The following PCNX1 variants were observed in gnomAD, a reference collection of about 807,000 sequenced individuals.
PCNX1 encodes the protein pecanex-like protein 1.
In PCNX1, 78 loss-of-function variants were observed where a neutral mutation model predicts 242.2. The observed-to-expected ratio is 0.32, with a 90% CI of 0.27 to 0.39. The LOEUF (loss-of-function observed/expected upper bound fraction) is 0.39. Among genes scored for constraint, PCNX1 ranks in the 10% least tolerant of loss-of-function variants. PCNX1 has a pLI of 1.00. For synonymous variants in PCNX1, 1,024 were observed against 1,032.9 expected (o/e 0.99, Z 0.17); for missense variants, 2,581 against 2,856.5 (o/e 0.90, Z 2.20).
At chr14:70,922,036 CTTA>C (rs1272605009) in intron 1 of PCNX1, among the ~76,000 whole-genome samples, 2 of 152,122 alleles carry the variant, frequency 1.3e-5, no homozygotes, top group Non-Finnish European at 2.9e-5. Flanking sequence ...CTGAAAACAT[CTTA>C]TTATTTCCTA....
intron 2 of PCNX1, among the ~76,000 whole-genome samples, chr14:70,959,144 G>A (rs1007844731): frequency 2.6e-5 from 4 of 151,336 alleles, no homozygotes; most frequent in East Asian, 1.9e-4. Flanking sequence ...TCTTCCTGAG[G>A]AACCTTATGT....
At chr14:70,998,064 TACAC>T (rs1016237716) in intron 8 of PCNX1, among the ~76,000 whole-genome samples, 5 of 151,916 alleles carry the variant, frequency 3.3e-5, no homozygotes, top group African/African-American at 4.8e-5. Context: ...AAAGCATACA[TACAC>T]ACATACATGT....
intron 8 of PCNX1, among the ~76,000 whole-genome samples, chr14:71,001,526 A>G (rs1020395616): frequency 2.6e-5 from 4 of 152,194 alleles, no homozygotes; most frequent in African/African-American, 9.7e-5. Flanking sequence ...TATTATTTCA[A>G]ATAGTTTTGG....
At chr14:71,006,370 A>G (rs1305857115) in intron 8 of PCNX1, among the ~76,000 whole-genome samples, 1 of 151,960 alleles carries the variant, frequency 6.6e-6, no homozygotes. Flanking sequence ...CCAGTTTCTA[A>G]TCGTGTTTAT....
intron 11 of PCNX1, 101 bp from the exon 12 acceptor site, chr14:71,018,908 C>A: frequency 2.1e-6 from 2 of 956,642 alleles, no homozygotes; most frequent in Non-Finnish European, 3.1e-6. Flanking sequence ...GACATCTTGG[C>A]ATACCATGAA....
rs755872397 is a variant in PCNX1 at position 71,047,023 on chromosome 14, A to C, written c.4078A>C (p.Asn1360His). 3 of 1,610,692 alleles carry C rather than the reference A, an allele frequency of 1.9e-6. No individual in the cohort carries two copies. The African/African-American group carries it at 4.0e-5, about 22-fold the overall frequency. ...TGTGTGGCTTCTTTTTGTGGAGAAG[A>C]ATATAATCTATCCATTGATTGTTCT... is the stretch of plus-strand genomic sequence containing the variant. ...LHVWLLFVEK[N>H]IIYPLIVLNE... The change falls in exon 21 of 36, where the codon AAT (asparagine) becomes CAT (histidine). Residue 1360 changes from asparagine (N) to histidine (H), a missense_variant. Transcript: ENST00000304743.
chr14:70,981,084 T>G (rs1482174099), intron 6 of PCNX1, among the ~76,000 whole-genome samples: 3 of 152,162 alleles, frequency 2.0e-5, no homozygotes, highest in Non-Finnish European at 4.4e-5. Context: ...TGGGCTCCAC[T>G]GTTGTGACTC....
intron 22 of PCNX1, among the ~76,000 whole-genome samples, chr14:71,048,657 T>C (rs556925976): frequency 1.1e-4 from 16 of 152,234 alleles, no homozygotes; most frequent in Non-Finnish European, 2.4e-4. Context: ...TTATCCCATT[T>C]GATAGGTAAC....
At position 70,993,659 on chromosome 14, in the gene PCNX1, A is replaced by G. The variant is rs2059239389; in HGVS notation, c.2445-2082A>G. 2.0e-5 allele frequency among the ~76,000 whole-genome samples: 3 copies of G among 152,238 alleles called. No individual in the cohort carries two copies. In the South Asian group the frequency reaches 6.2e-4, roughly 32 times the overall value. ...TCATGCCAAAATACATCTAGCTGCC[A>G]TATGGCAACTTGGCTTATGATGTCA... On this transcript the variant is annotated intron_variant, in intron 7 of 35. Coordinates refer to ENST00000304743, the MANE Select transcript of PCNX1 (RefSeq NM_014982.3).
intron 25 of PCNX1, among the ~76,000 whole-genome samples, chr14:71,056,533 T>C (rs1360584404): frequency 1.3e-5 from 2 of 152,232 alleles, no homozygotes; most frequent in Non-Finnish European, 2.9e-5. Context: ...AGACTGGGTT[T>C]AAAATAATTA....
intron 11 of PCNX1, among the ~76,000 whole-genome samples, chr14:71,015,152 A>T (rs1267158555): frequency 6.6e-6 from 1 of 152,214 alleles, no homozygotes; most frequent in East Asian, 1.9e-4. Flanking sequence ...GATCAGAAAA[A>T]AATGGGAAGA....
chr14:71,098,509 CGTGTGTGT>C lies in PCNX1; in HGVS notation c.5590-3443_5590-3436del, dbSNP rs3221474. Among the ~76,000 whole-genome samples the C allele has an allele frequency of 1.4e-3, 174 of 128,682 alleles. 1 individual carries two copies. The highest frequency in any genetic ancestry group is 4.3e-3 in the African/African-American group (143 of 33,176). The allele number at this position is 128,682 out of a possible 152,430, so 84.4% of individuals were successfully genotyped here. A position where few individuals can be genotyped will look rare whatever the true frequency, so the allele number is the denominator to read the frequency against. Reference sequence around the variant, plus strand: ...TTTGGCCTCCTTGGTTAGATGTATTCGTGTGTGTGTGTGTGTGTGTGTGTGTGTGTGTG... The same window carrying C: ...TTTGGCCTCCTTGGTTAGATGTATTCGTGTGTGTGTGTGTGTGTGTGTGTG... On this transcript the variant is annotated intron_variant, in intron 30 of 35. Transcript: ENST00000304743.
At chr14:70,993,029 G>T (rs573834646) in intron 7 of PCNX1, among the ~76,000 whole-genome samples, 5 of 152,046 alleles carry the variant, frequency 3.3e-5, no homozygotes, top group African/African-American at 1.2e-4. Context: ...TTTCTCAAAA[G>T]ATATTAGGCC....
chr14:70,988,210 G>A (rs2059055062), intron 6 of PCNX1, among the ~76,000 whole-genome samples: 1 of 152,100 alleles, frequency 6.6e-6, no homozygotes, highest in Non-Finnish European at 1.5e-5. Context: ...GTGCTTTTAA[G>A]GTTGACTTAA....
chr14:71,058,378 C>G (rs1393813768), intron 26 of PCNX1, among the ~76,000 whole-genome samples: 2 of 152,148 alleles, frequency 1.3e-5, no homozygotes, highest in African/African-American at 4.8e-5. Context: ...TACAGAAAAT[C>G]ACGCATTCAG....
intron 1 of PCNX1, among the ~76,000 whole-genome samples, chr14:70,919,727 C>A (rs962655789): frequency 6.8e-5 from 3 of 44,216 alleles, no homozygotes; most frequent in South Asian, 9.1e-4. Context: ...CCCCCCCCCC[C>A]CCACCAAATA....
intron 31 of PCNX1, among the ~76,000 whole-genome samples, chr14:71,102,768 T>C (rs1482263520): frequency 6.6e-6 from 1 of 152,148 alleles, no homozygotes; most frequent in African/African-American, 2.4e-5. Context: ...CTTTTATCCA[T>C]TAAATGGCAG....
At chr14:71,102,986 T>G (rs1269637854) in intron 31 of PCNX1, among the ~76,000 whole-genome samples, 3 of 152,204 alleles carry the variant, frequency 2.0e-5, no homozygotes, top group Admixed American at 2.0e-4. Context: ...TTCTGAAATT[T>G]TATTCTGATA....
intron 22 of PCNX1, chr14:71,049,076 T>A: frequency 1.1e-6 from 1 of 923,126 alleles, no homozygotes; most frequent in Non-Finnish European, 1.3e-6. Context: ...CAAACTCAAA[T>A]ATTTAGATTG....
Sources: gnomAD v4.1 joint callset for allele counts (sites outside exome capture counted in the v4.1 genomes callset) on GRCh38, gnomAD v4.1.1 for gene constraint, MANE v1.5 for transcripts, NCBI Gene and HGNC (gene_info 2026-07-23, HGNC 2026-07-21) for gene names.